C17orf67: variants seen among roughly 807,000 people sequenced by gnomAD.
The protein encoded by C17orf67 is uncharacterized protein C17orf67.
A neutral mutation model predicts 11.2 loss-of-function variants in C17orf67; 12 were observed. The ratio of observed to expected loss-of-function variants is 1.07; its 90% CI spans 0.68 to 1.73. The LOEUF (loss-of-function observed/expected upper bound fraction) is 1.73, where lower values mean the gene tolerates loss of function less well. Ranked by LOEUF, C17orf67 falls within the 40% of genes most tolerant of loss-of-function variation. The pLI is 0.00. For synonymous variants in C17orf67, 59 were observed against 46.9 expected (o/e 1.26, Z -1.05); for missense variants, 115 against 113.5 (o/e 1.01, Z -0.06).
chr17:56,811,524 T>C (rs1432645322), intron 6 of C17orf67, among the ~76,000 whole-genome samples: 1 of 151,198 alleles, frequency 6.6e-6, no homozygotes, highest in African/African-American at 2.5e-5. Context: ...ATAACCTCGT[T>C]AGTGAGCCCA....
At chr17:56,810,246 A>G (rs574698868) in intron 6 of C17orf67, among the ~76,000 whole-genome samples, 13 of 142,876 alleles carry the variant, frequency 9.1e-5, no homozygotes, top group African/African-American at 3.5e-4. Flanking sequence ...CCTCACACAC[A>G]TGCATCGCTC....
intron 2 of C17orf67, among the ~76,000 whole-genome samples, chr17:56,831,884 C>T (rs964735189): frequency 6.6e-6 from 1 of 152,192 alleles, no homozygotes; most frequent in African/African-American, 2.4e-5. Context: ...AATCTGCAGA[C>T]TTCAGCAAAA....
intron 6 of C17orf67, among the ~76,000 whole-genome samples, chr17:56,805,853 G>GA (rs1316678563): frequency 6.6e-6 from 1 of 150,944 alleles, no homozygotes; most frequent in African/African-American, 2.4e-5. Context: ...AATATTAAGG[G>GA]AAAAAACAGG....
chr17:56,800,672 G>C (rs2144116661), intron 6 of C17orf67, among the ~76,000 whole-genome samples: 1 of 152,214 alleles, frequency 6.6e-6, no homozygotes, highest in Admixed American at 6.5e-5. Context: ...TGACTTTTCA[G>C]GCCTCAGCTT....
chr17:56,830,210 T>C (rs1906157352), intron 2 of C17orf67, among the ~76,000 whole-genome samples: 1 of 151,952 alleles, frequency 6.6e-6, no homozygotes, highest in South Asian at 2.1e-4. Context: ...CCGGGCGTGG[T>C]GGCGGGCACC....
intron 6 of C17orf67, among the ~76,000 whole-genome samples, chr17:56,809,725 CCT>C (rs1341083336): frequency 6.8e-6 from 1 of 147,920 alleles, no homozygotes; most frequent in African/African-American, 2.5e-5. Flanking sequence ...ACACATACAC[CCT>C]CACACCCCTC....
chr17:56,826,157 T>C (rs1906026293), intron 2 of C17orf67, among the ~76,000 whole-genome samples: 1 of 152,200 alleles, frequency 6.6e-6, no homozygotes, highest in African/African-American at 2.4e-5. Flanking sequence ...TTTCACCATG[T>C]TGGCCAGGCT....
chr17:56,830,921 G>A (rs1391492048), intron 2 of C17orf67, among the ~76,000 whole-genome samples: 1 of 152,218 alleles, frequency 6.6e-6, no homozygotes, highest in Non-Finnish European at 1.5e-5. Context: ...GGAAAAGGGG[G>A]TAGAACTGAC....
At chr17:56,815,484 T>C (rs1319993642) in intron 5 of C17orf67, among the ~76,000 whole-genome samples, 2 of 152,170 alleles carry the variant, frequency 1.3e-5, no homozygotes, top group Admixed American at 6.5e-5. Context: ...GGTGATCTCA[T>C]ATAAACTCTA....
intron 6 of C17orf67, among the ~76,000 whole-genome samples, chr17:56,812,460 T>C (rs1357112890): frequency 6.6e-6 from 1 of 152,214 alleles, no homozygotes; most frequent in Non-Finnish European, 1.5e-5. Flanking sequence ...TGGTGTAGAC[T>C]AGCCACCCAA....
chr17:56,831,907 A>T (rs1313507822), intron 2 of C17orf67, among the ~76,000 whole-genome samples: 2 of 152,124 alleles, frequency 1.3e-5, no homozygotes, highest in African/African-American at 4.8e-5. Context: ...GATCGGGTCC[A>T]TCCTTCCCCC....
chr17:56,808,685 G>A (rs1905516020), intron 6 of C17orf67, among the ~76,000 whole-genome samples: 1 of 152,218 alleles, frequency 6.6e-6, no homozygotes, highest in Non-Finnish European at 1.5e-5. Context: ...GAATCAGCAG[G>A]ATCTATGTCA....
chr17:56,800,102 G>A (rs1477612398), intron 6 of C17orf67, among the ~76,000 whole-genome samples: 1 of 114,994 alleles, frequency 8.7e-6, no homozygotes, highest in African/African-American at 3.5e-5. Flanking sequence ...GTCTCGCTCT[G>A]TCGCCCAGGC....
At chr17:56,833,465 G>C (rs895855154) in intron 1 of C17orf67, 123 bp from the exon 2 acceptor site, 1 of 150,852 alleles carries the variant, frequency 6.6e-6, no homozygotes, top group African/African-American at 2.4e-5. Flanking sequence ...GGGGAGGCCC[G>C]CCCGCCACGG....
chr17:56,833,668 C>T lies in C17orf67; in HGVS notation c.-1052G>A, dbSNP rs575868850. ...CGGTGCCGCGCAGGCCGCCTCCCCC[C>T]CTCGCTTCCCAGTCGGCTTACGCAT... On this transcript the variant is annotated 5_prime_UTR_variant, in exon 1 of 8. Transcript: ENST00000397861. 3 of 152,022 alleles carry T rather than the reference C, an allele frequency of 2.0e-5. No homozygotes were observed. The highest frequency in any genetic ancestry group is 7.2e-5 in the African/African-American group (3 of 41,384). 9.4% of individuals were successfully genotyped at this position (152,022 alleles called of 1,614,324 possible). A position where few individuals can be genotyped will look rare whatever the true frequency, so the allele number is the denominator to read the frequency against.
intron 2 of C17orf67, among the ~76,000 whole-genome samples, chr17:56,829,006 A>C (rs113661373): frequency 2.0e-4 from 31 of 152,318 alleles, no homozygotes; most frequent in African/African-American, 7.5e-4. Flanking sequence ...CCAGCGGGGC[A>C]CAGCTGCTCA....
At chr17:56,794,696 C>A (rs896813556) in intron 7 of C17orf67, among the ~76,000 whole-genome samples, 1 of 152,188 alleles carries the variant, frequency 6.6e-6, no homozygotes, top group African/African-American at 2.4e-5. Flanking sequence ...GTTGACTCCA[C>A]GAATGCTGAG....
chr17:56,818,657 G>T (rs1905822601), intron 4 of C17orf67, among the ~76,000 whole-genome samples: 2 of 151,942 alleles, frequency 1.3e-5, no homozygotes, highest in Admixed American at 1.3e-4. Flanking sequence ...TAAGTAAAAA[G>T]GTTAAATATT....
chr17:56,803,964 A>T (rs1905385937), intron 6 of C17orf67: 1 of 152,222 alleles, frequency 6.6e-6, no homozygotes, highest in South Asian at 2.1e-4. Flanking sequence ...CACAAATTCA[A>T]CAATTGCACT....
Sources: allele counts gnomAD v4.1 joint callset (sites outside exome capture counted in the v4.1 genomes callset), GRCh38; gene constraint gnomAD v4.1.1; transcripts MANE v1.5; gene names NCBI Gene and HGNC (gene_info 2026-07-23, HGNC 2026-07-21).